The following TMEM98 variants were observed in gnomAD, a reference collection of about 807,000 sequenced individuals.
The protein encoded by TMEM98 is transmembrane protein 98.
In TMEM98, 18 loss-of-function variants were observed where a neutral mutation model predicts 25.0. The observed-to-expected ratio is 0.72, with a 90% CI of 0.50 to 1.07. The LOEUF (loss-of-function observed/expected upper bound fraction) is 1.07, where lower values mean the gene tolerates loss of function less well. TMEM98 is among the 50% of genes least tolerant of loss of function. The probability of loss-of-function intolerance (pLI) is 0.00; values close to 1 mark genes in which losing one functional copy is unlikely to be tolerated. For synonymous variants in TMEM98, 103 were observed against 112.4 expected (o/e 0.92, Z 0.53); for missense variants, 241 against 289.0 (o/e 0.83, Z 1.20).
At chr17:32,933,387 G>A in intron 4 of TMEM98, 82 bp downstream of exon 4, 3 of 1,579,874 alleles carry the variant, frequency 1.9e-6, no homozygotes, top group South Asian at 1.2e-5. Context: ...GCACTTAGCT[G>A]GCATTCAAGA....
chr17:32,941,448 T>A lies in TMEM98; in HGVS notation c.*455T>A, dbSNP rs1567699569. 6.4e-6 allele frequency: 1 copy of A among 155,344 alleles called. No homozygotes were observed. 9.6% of individuals were successfully genotyped at this position (155,344 alleles called of 1,614,324 possible). ...TAGGGGTTTCTTCTTTTGGCAAGACTTGTACTCTCTCACCTGGCCTGTTTC... is the reference window on the plus strand; with the variant it reads ...TAGGGGTTTCTTCTTTTGGCAAGACATGTACTCTCTCACCTGGCCTGTTTC... On this transcript the variant is annotated 3_prime_UTR_variant, in exon 8 of 8. Transcript: ENST00000579849.
intron 6 of TMEM98, 24 bp from the exon 7 acceptor site, chr17:32,939,453 T>C: frequency 6.2e-7 from 1 of 1,611,306 alleles, no homozygotes; most frequent in Non-Finnish European, 8.5e-7. Context: ...AGTGAAGTAC[T>C]GAACACCTTT....
In TMEM98 at chr17:32,941,077, A is replaced by G. The variant is rs11871410; in HGVS notation, c.*84A>G. The G allele has an allele frequency of 2.5e-3, 3,073 of 1,226,648 alleles. 71 individuals are homozygous for G. The African/African-American group carries it at 0.042, about 17-fold the overall frequency. The allele number at this position is 1,226,648 out of a possible 1,614,324, so 76.0% of individuals were successfully genotyped here. On this transcript the variant is annotated 3_prime_UTR_variant, in exon 8 of 8. Coordinates refer to ENST00000579849, the MANE Select transcript of TMEM98 (RefSeq NM_015544.3). The stretch of plus-strand genomic sequence containing the variant: ...CTTAGCCTTCTACTTTTTCCTATAG[A>G]GTTAGTTGTTCTCCACGGCTGGAGA...
intron 7 of TMEM98, among the ~76,000 whole-genome samples, chr17:32,940,532 C>G (rs1466544148): frequency 6.6e-6 from 1 of 152,170 alleles, no homozygotes; most frequent in Non-Finnish European, 1.5e-5. Flanking sequence ...GAGAGACAGC[C>G]TGTTATATTC....
In TMEM98 at chr17:32,943,119, G is replaced by C. The variant is rs2091538891; in HGVS notation, c.*2126G>C. The C allele has an allele frequency of 1.3e-5, 2 of 152,372 alleles. No individual in the cohort carries two copies. The highest frequency in any genetic ancestry group is 4.8e-5 in the African/African-American group (2 of 41,448). 9.4% of individuals were successfully genotyped at this position (152,372 alleles called of 1,614,324 possible). ...CAAGTCCTGGCACATTGGCTTTCTGGATCCCTTAGATGCTGCCCTTTCTGT... is the reference window on the plus strand; with the variant it reads ...CAAGTCCTGGCACATTGGCTTTCTGCATCCCTTAGATGCTGCCCTTTCTGT... On this transcript the variant is annotated 3_prime_UTR_variant, in exon 8 of 8. Transcript: ENST00000579849.
At chr17:32,929,293 CACTT>C (rs775857949) in intron 1 of TMEM98, among the ~76,000 whole-genome samples, 14 of 151,760 alleles carry the variant, frequency 9.2e-5, no homozygotes, top group African/African-American at 1.2e-4. Context: ...CGGAGAAACA[CACTT>C]AGAAGCACAC....
At chr17:32,934,742 T>G (rs1165125778) in intron 5 of TMEM98, among the ~76,000 whole-genome samples, 1 of 152,222 alleles carries the variant, frequency 6.6e-6, no homozygotes, top group Non-Finnish European at 1.5e-5. Context: ...GGATTTCTAC[T>G]GTGACTAGAA....
Position 32,940,815 on chromosome 17 carries a change from A to AG in TMEM98, c.503_504insG (p.His168GlnfsTer20). ...ACTGCCCTGCTCCTGTCTGTCAGTC[A>AG]CCTGGTGCTGGTGACAAGGAATGCC... is the stretch of plus-strand genomic sequence containing the variant. On this transcript the variant is annotated frameshift_variant, in exon 8 of 8. Transcript: ENST00000579849. LOFTEE classifies it high-confidence loss of function. 1 of 1,614,070 alleles carries AG rather than the reference A, an allele frequency of 6.2e-7. No individual in the cohort carries two copies. The highest frequency in any genetic ancestry group is 2.2e-5 in the East Asian group (1 of 44,874).
intron 7 of TMEM98, among the ~76,000 whole-genome samples, chr17:32,939,930 T>C (rs544718061): frequency 1.3e-5 from 2 of 152,262 alleles, no homozygotes; most frequent in Admixed American, 1.3e-4. Flanking sequence ...GCAGTGAGAA[T>C]GGAGGTGACA....
At chr17:32,929,011 C>T (rs2091450106) in intron 1 of TMEM98, among the ~76,000 whole-genome samples, 2 of 151,800 alleles carry the variant, frequency 1.3e-5, no homozygotes, top group Non-Finnish European at 2.9e-5. Flanking sequence ...CAGAAGCACA[C>T]TCAGCTCACA....
intron 1 of TMEM98, among the ~76,000 whole-genome samples, chr17:32,929,455 A>T (rs1330344949): frequency 6.6e-6 from 1 of 152,164 alleles, no homozygotes; most frequent in Non-Finnish European, 1.5e-5. Context: ...GGAGCAGCAG[A>T]GGGAAAGATG....
intron 5 of TMEM98, 98 bp downstream of exon 5, chr17:32,934,422 C>A: frequency 7.3e-7 from 1 of 1,365,710 alleles, no homozygotes. Flanking sequence ...GCACTGACCT[C>A]TCGCAAGAGG....
In TMEM98 at chr17:32,940,859, C is replaced by T; in HGVS notation, c.547C>T (p.Leu183=). 6.2e-7 allele frequency: 1 copy of T among 1,614,160 alleles called. No homozygotes were observed. ...TRNACHLTGG[L]DWIDQSLSAA... is the part of the protein sequence containing the mutation. ...GAATGCCTGCCATCTGACGGGAGGC[C>T]TGGACTGGATTGACCAGTCTCTGTC... is the stretch of plus-strand genomic sequence containing the variant. Residue 183 remains leucine (L), a synonymous_variant, in exon 8 of 8, where the codon CTG becomes TTG. Transcript: ENST00000579849.
chr17:32,934,582 A>G (rs2091486544), intron 5 of TMEM98, among the ~76,000 whole-genome samples: 2 of 152,228 alleles, frequency 1.3e-5, no homozygotes, highest in African/African-American at 4.8e-5. Context: ...GCCTAGGTAC[A>G]CAGCCACCAT....
In TMEM98 at chr17:32,944,197, T is replaced by C. The variant is rs1203206373; in HGVS notation, c.*3204T>C. On this transcript the variant is annotated 3_prime_UTR_variant, in exon 8 of 8. Coordinates refer to ENST00000579849, the MANE Select transcript of TMEM98 (RefSeq NM_015544.3). ...CCCACACGAGCAGACTTTTAGAAAA[T>C]GGCCTACAGTTCAAAGGCCCTGCAT... The C allele has an allele frequency of 1.3e-5, 2 of 152,124 alleles. No individual in the cohort carries two copies. Among genetic ancestry groups the C allele is most frequent in the East Asian group, 1.9e-4 (1 of 5,174 alleles). The allele number at this position is 152,124 out of a possible 1,614,324, so 9.4% of individuals were successfully genotyped here.
chr17:32,940,311 G>C (rs564117177), intron 7 of TMEM98, among the ~76,000 whole-genome samples: 1 of 148,938 alleles, frequency 6.7e-6, no homozygotes. Flanking sequence ...TTTTTTTTTT[G>C]AGTTGGATAA....
Position 32,933,297 on chromosome 17 carries a change from A to AGATGCCTCGTAAGGC in TMEM98, c.256_263+7dup. The stretch of plus-strand genomic sequence containing the variant: ...TTCTGGAGAATGAAGACTGGATCGA[A>AGATGCCTCGTAAGGC]GATGCCTCGTAAGGCCATGGGAACT... On this transcript the variant is annotated stop_gained and inframe_insertion, in exon 4 of 8. Transcript: ENST00000579849. LOFTEE classifies it high-confidence loss of function. The AGATGCCTCGTAAGGC allele has an allele frequency of 6.2e-7, 1 of 1,614,156 alleles. No homozygotes were observed. Among genetic ancestry groups the AGATGCCTCGTAAGGC allele is most frequent in the Non-Finnish European group, 8.5e-7 (1 of 1,180,008 alleles).
chr17:32,939,277 C>T (rs371527332), intron 6 of TMEM98, among the ~76,000 whole-genome samples, 200 bp from the exon 7 acceptor site: 3 of 152,138 alleles, frequency 2.0e-5, no homozygotes, highest in Admixed American at 6.5e-5. Flanking sequence ...CATGGTGGCG[C>T]GTGCCTGTAA....
intron 6 of TMEM98, among the ~76,000 whole-genome samples, chr17:32,937,092 TAA>T (rs1388984865): frequency 1.3e-5 from 2 of 152,268 alleles, no homozygotes; most frequent in African/African-American, 4.8e-5. Flanking sequence ...AGGGCTGTAC[TAA>T]GTTTGTGCTG....
Sources: allele counts gnomAD v4.1 joint callset (sites outside exome capture counted in the v4.1 genomes callset), GRCh38; gene constraint gnomAD v4.1.1; transcripts MANE v1.5; gene names NCBI Gene and HGNC (gene_info 2026-07-23, HGNC 2026-07-21).